BMAL2: variants seen among roughly 807,000 people sequenced by gnomAD.
BMAL2 encodes the protein basic helix-loop-helix ARNT like 2, also known as basic helix-loop-helix ARNT-like protein 2.
At chr12:27,418,207 T>C in the BMAL2 span, 3 of 1,580,472 alleles carry the variant, frequency 1.9e-6, no homozygotes, top group Non-Finnish European at 2.6e-6. Context: ...GTAAGTTTTC[T>C]TTGGGAACTG....
At chr12:27,390,174 G>A in the BMAL2 span, 13 of 1,613,652 alleles carry the variant, frequency 8.1e-6, no homozygotes, top group Admixed American at 1.7e-5. Flanking sequence ...TTTTTCTGTC[G>A]GATAAAGAGT....
At chr12:27,370,089 C>T in the BMAL2 span, 4,555 of 1,457,422 alleles carry the variant, frequency 3.1e-3, 117 homozygotes, top group African/African-American at 0.055. Context: ...ATTCCCAGAA[C>T]ATCTGGGTAG....
the BMAL2 span, among the ~76,000 whole-genome samples, chr12:27,357,589 C>T: frequency 3.3e-5 from 5 of 152,140 alleles, no homozygotes; most frequent in Admixed American, 3.3e-4. Flanking sequence ...AACAAATCTG[C>T]AGGCATCACA....
chr12:27,383,514 C>T, the BMAL2 span, among the ~76,000 whole-genome samples: 1 of 152,096 alleles, frequency 6.6e-6, no homozygotes, highest in African/African-American at 2.4e-5. Flanking sequence ...GCTCTCACTG[C>T]CCTCATTTTC....
the BMAL2 span, among the ~76,000 whole-genome samples, chr12:27,416,798 A>G: frequency 6.6e-6 from 1 of 152,088 alleles, no homozygotes; most frequent in East Asian, 1.9e-4. Flanking sequence ...TTTCTAAAAA[A>G]GATTTTTTAA....
At chr12:27,420,605 C>G in the BMAL2 span, 6 of 1,451,874 alleles carry the variant, frequency 4.1e-6, no homozygotes, top group Non-Finnish European at 5.6e-6. Context: ...CTCAACTATT[C>G]TTAAGTACTG....
the BMAL2 span, among the ~76,000 whole-genome samples, chr12:27,372,863 C>T: frequency 9.2e-5 from 14 of 152,096 alleles, no homozygotes; most frequent in Admixed American, 7.2e-4. Context: ...TTAGTAGAGA[C>T]GGGATTTGAC....
the BMAL2 span, chr12:27,424,671 T>C: frequency 6.6e-6 from 1 of 152,112 alleles, no homozygotes; most frequent in African/African-American, 2.4e-5. Context: ...CCAAGAGGTA[T>C]CTCCCCCTCA....
chr12:27,350,994 C>CCCCTTT, the BMAL2 span, among the ~76,000 whole-genome samples: 35 of 94,232 alleles, frequency 3.7e-4, no homozygotes, highest in East Asian at 7.4e-4. Flanking sequence ...CCCACCCCCC[C>CCCCTTT]TTTTTTTTTT....
the BMAL2 span, among the ~76,000 whole-genome samples, chr12:27,415,136 G>A: frequency 6.6e-6 from 1 of 152,214 alleles, no homozygotes; most frequent in Non-Finnish European, 1.5e-5. Context: ...GAATGAGTAA[G>A]TCTACAGATC....
At chr12:27,335,945 T>G in the BMAL2 span, among the ~76,000 whole-genome samples, 1 of 152,216 alleles carries the variant, frequency 6.6e-6, no homozygotes, top group African/African-American at 2.4e-5. Context: ...TACTTTGTCC[T>G]TGTGAAATGA....
chr12:27,397,313 G>A, the BMAL2 span, among the ~76,000 whole-genome samples: 5 of 152,240 alleles, frequency 3.3e-5, no homozygotes, highest in South Asian at 4.2e-4. Flanking sequence ...CTTGTGATCC[G>A]CCAACCTTGG....
the BMAL2 span, among the ~76,000 whole-genome samples, chr12:27,414,696 GA>G: frequency 1.3e-5 from 2 of 151,810 alleles, no homozygotes; most frequent in African/African-American, 4.8e-5. Flanking sequence ...CCTATGTTAA[GA>G]AAAAAACCCT....
At chr12:27,424,305 A>G in the BMAL2 span, 13 of 152,246 alleles carry the variant, frequency 8.5e-5, no homozygotes, top group African/African-American at 3.1e-4. Context: ...AAGATCAAAT[A>G]ACAAGTCTCT....
chr12:27,373,216 AGAAGATAG>A, the BMAL2 span, among the ~76,000 whole-genome samples: 1 of 152,200 alleles, frequency 6.6e-6, no homozygotes, highest in African/African-American at 2.4e-5. Context: ...TGACACACTT[AGAAGATAG>A]GATCAATAGG....
At chr12:27,374,908 A>G in the BMAL2 span, among the ~76,000 whole-genome samples, 2 of 152,370 alleles carry the variant, frequency 1.3e-5, no homozygotes, top group African/African-American at 4.8e-5. Context: ...TACCATAAAT[A>G]TAAAAGCTCT....
chr12:27,415,846 G>T, the BMAL2 span: 3 of 1,520,018 alleles, frequency 2.0e-6, no homozygotes, highest in South Asian at 3.5e-5. Flanking sequence ...AATTAAAAAT[G>T]TTTTATGTAT....
chr12:27,336,947 CAAAAAAAAAAA>C, the BMAL2 span, among the ~76,000 whole-genome samples: 1 of 73,822 alleles, frequency 1.4e-5, no homozygotes, highest in Non-Finnish European at 2.7e-5. Flanking sequence ...GAGACTGTCT[CAAAAAAAAAAA>C]AAAAAAAAAA....
the BMAL2 span, among the ~76,000 whole-genome samples, chr12:27,397,433 T>C: frequency 6.6e-6 from 1 of 152,224 alleles, no homozygotes; most frequent in Non-Finnish European, 1.5e-5. Flanking sequence ...AAAGGTGTTT[T>C]TCTTCCCTTT....
Sources: allele counts gnomAD v4.1 joint callset (sites outside exome capture counted in the v4.1 genomes callset), GRCh38; gene constraint gnomAD v4.1.1; transcripts MANE v1.5; gene names NCBI Gene and HGNC (gene_info 2026-07-23, HGNC 2026-07-21).